Variants in INVS observed in about 807,000 individuals in gnomAD.
INVS encodes the protein inversin.
INVS carries 86 observed loss-of-function variants against 108.8 expected under a neutral mutation model. That is an observed-to-expected ratio of 0.79 (90% CI 0.66 to 0.95). The LOEUF (loss-of-function observed/expected upper bound fraction) is 0.95, where lower values mean the gene tolerates loss of function less well. INVS is among the 40% of genes least tolerant of loss of function. The pLI is 0.00. For missense variants in INVS, 1,169 were observed against 1,297.4 expected (o/e 0.90, Z 1.52); for synonymous variants, 455 against 473.5 (o/e 0.96, Z 0.51).
intron 3 of INVS, among the ~76,000 whole-genome samples, chr9:100,147,508 G>A (rs1307868942): frequency 1.3e-5 from 2 of 152,176 alleles, no homozygotes; most frequent in Non-Finnish European, 2.9e-5. Context: ...TGAGGCTGTG[G>A]ATAAATAAGT....
In INVS at chr9:100,100,722, G is replaced by GTACATATAATATATATATTATATA. The variant is rs1826848523; in HGVS notation, c.-25+1329_-25+1330insATACATATAATATATATATTATAT. On this transcript the variant is annotated intron_variant, in intron 1 of 16. Coordinates refer to ENST00000262457, the MANE Select transcript of INVS (RefSeq NM_014425.5). Reference sequence around the variant, plus strand: ...TGTACATATAATATATATATTATATGTACATATAATATATATATTATATGT... The same window carrying GTACATATAATATATATATTATATA: ...TGTACATATAATATATATATTATATGTACATATAATATATATATTATATATACATATAATATATATATTATATGT... 2.5e-4 allele frequency among the ~76,000 whole-genome samples: 4 copies of GTACATATAATATATATATTATATA among 15,942 alleles called. 1 individual carries two copies. Among genetic ancestry groups the GTACATATAATATATATATTATATA allele is most frequent in the Admixed American group, 2.4e-3 (2 of 822 alleles). 10.5% of individuals were successfully genotyped at this position (15,942 alleles called of 152,430 possible). A position where few individuals can be genotyped will look rare whatever the true frequency, so the allele number is the denominator to read the frequency against.
At chr9:100,162,759 G>C (rs1352149081) in intron 3 of INVS, among the ~76,000 whole-genome samples, 1 of 151,810 alleles carries the variant, frequency 6.6e-6, no homozygotes, top group Non-Finnish European at 1.5e-5. Context: ...CCTGGGAGGC[G>C]GAGGTTGCAG....
chr9:100,280,424 A>G (rs1278999490), intron 12 of INVS, among the ~76,000 whole-genome samples: 1 of 152,204 alleles, frequency 6.6e-6, no homozygotes, highest in East Asian at 1.9e-4. Context: ...TAAAAGAGAC[A>G]GTACAAACCA....
chr9:100,127,308 T>C (rs1234017337), intron 3 of INVS, among the ~76,000 whole-genome samples: 1 of 152,176 alleles, frequency 6.6e-6, no homozygotes, highest in Non-Finnish European at 1.5e-5. Flanking sequence ...TTTTCAACTT[T>C]TTAAAATCTA....
intron 2 of INVS, 93 bp from the exon 3 acceptor site, chr9:100,126,290 G>A: frequency 1.0e-6 from 1 of 990,736 alleles, no homozygotes; most frequent in East Asian, 2.6e-5. Flanking sequence ...TAAGCATTTA[G>A]CACAATGTTT....
At chr9:100,251,053 A>C (rs1832217681) in intron 8 of INVS, among the ~76,000 whole-genome samples, 1 of 152,192 alleles carries the variant, frequency 6.6e-6, no homozygotes, top group South Asian at 2.1e-4. Flanking sequence ...CATAACCACC[A>C]ATCAAAAGTA....
chr9:100,253,548 A>C (rs1832312750), intron 10 of INVS, among the ~76,000 whole-genome samples: 1 of 152,048 alleles, frequency 6.6e-6, no homozygotes, highest in Non-Finnish European at 1.5e-5. Context: ...ATATCTCCTA[A>C]TGCTATCCCT....
intron 3 of INVS, among the ~76,000 whole-genome samples, chr9:100,140,365 C>T (rs74885953): frequency 3.3e-5 from 5 of 151,754 alleles, no homozygotes; most frequent in African/African-American, 9.7e-5. Flanking sequence ...TGTTCTCTGG[C>T]GGGCAGGAGT....
chr9:100,265,770 C>T (rs1007097323), intron 11 of INVS, among the ~76,000 whole-genome samples: 1 of 152,008 alleles, frequency 6.6e-6, no homozygotes, highest in Non-Finnish European at 1.5e-5. Context: ...ACCAAGAATC[C>T]AGGCCCAATA....
chr9:100,262,627 A>T (rs1832660890), intron 10 of INVS, among the ~76,000 whole-genome samples: 2 of 118,202 alleles, frequency 1.7e-5, no homozygotes, highest in Admixed American at 9.4e-5. Flanking sequence ...TTTATTCCTT[A>T]CCTGGAGCAC....
intron 11 of INVS, among the ~76,000 whole-genome samples, chr9:100,268,350 G>A (rs1832854790): frequency 6.6e-6 from 1 of 152,294 alleles, no homozygotes; most frequent in South Asian, 2.1e-4. Flanking sequence ...AATTAGGAAT[G>A]CCTTTGTTCT....
chr9:100,160,739 A>G (rs1432005993), intron 3 of INVS, among the ~76,000 whole-genome samples: 1 of 152,128 alleles, frequency 6.6e-6, no homozygotes, highest in Non-Finnish European at 1.5e-5. Flanking sequence ...TGGGCTCAAA[A>G]TATTACCCTA....
chr9:100,178,450 T>C (rs889046909), intron 3 of INVS, among the ~76,000 whole-genome samples: 1 of 152,102 alleles, frequency 6.6e-6, no homozygotes, highest in African/African-American at 2.4e-5. Flanking sequence ...ATAAATAACC[T>C]GATGGAGCTA....
intron 8 of INVS, among the ~76,000 whole-genome samples, chr9:100,250,909 A>G (rs1832211249): frequency 6.6e-6 from 1 of 152,092 alleles, no homozygotes; most frequent in African/African-American, 2.4e-5. Flanking sequence ...GACTTACTCC[A>G]CTGTCACTTA....
chr9:100,288,896 G>C (rs189757392), intron 13 of INVS, among the ~76,000 whole-genome samples: 3 of 152,150 alleles, frequency 2.0e-5, no homozygotes, highest in Non-Finnish European at 4.4e-5. Flanking sequence ...AAAGGGCTGG[G>C]ATTTTATAAG....
In INVS at chr9:100,117,664, C is replaced by A. The variant is rs1004316910; in HGVS notation, c.107-8719C>A. ...CGTTATCAGCCATTTGGTGTTTTCTCGGAGAAGAAGCAGTTATAGGTTTTA... is the reference window on the plus strand; with the variant it reads ...CGTTATCAGCCATTTGGTGTTTTCTAGGAGAAGAAGCAGTTATAGGTTTTA... On this transcript the variant is annotated intron_variant, in intron 2 of 16. Transcript: ENST00000262457. 2.4e-5 allele frequency: 14 copies of A among 584,298 alleles called. No individual in the cohort carries two copies. In the African/African-American group the frequency reaches 2.5e-4, roughly 11 times the overall value. 36.2% of individuals were successfully genotyped at this position (584,298 alleles called of 1,614,324 possible). A position where few individuals can be genotyped will look rare whatever the true frequency, so the allele number is the denominator to read the frequency against.
At chr9:100,288,203 T>A (rs1833503749) in intron 13 of INVS, among the ~76,000 whole-genome samples, 1 of 152,166 alleles carries the variant, frequency 6.6e-6, no homozygotes, top group Admixed American at 6.5e-5. Flanking sequence ...GTTCTCCATG[T>A]CTCTTGGCTC....
intron 3 of INVS, among the ~76,000 whole-genome samples, chr9:100,216,216 T>C (rs1252019296): frequency 1.3e-5 from 2 of 152,202 alleles, no homozygotes; most frequent in Non-Finnish European, 2.9e-5. Context: ...ACCAGGTGAC[T>C]ACAGTACTGT....
chr9:100,292,747 AC>A lies in INVS; in HGVS notation c.2492del (p.Pro831GlnfsTer5). On this transcript the variant is annotated frameshift_variant, in exon 14 of 17. Coordinates refer to ENST00000262457, the MANE Select transcript of INVS (RefSeq NM_014425.5). LOFTEE classifies it high-confidence loss of function. Reference protein sequence around the residue: ...AGQNPPHHRTPRNKVTQAKLT... With the variant: ...AGQNPPHHRTXRNKVTQAKLT... ...GGCAGAATCCTCCCCACCATCGTAC[AC>A]CAAGAAACAAAGTGACACAAGCCAA... 6.2e-7 allele frequency: 1 copy of A among 1,614,140 alleles called. No homozygotes were observed. The highest frequency in any genetic ancestry group is 8.5e-7 in the Non-Finnish European group (1 of 1,180,022).
Sources: allele counts gnomAD v4.1 joint callset (sites outside exome capture counted in the v4.1 genomes callset), GRCh38; gene constraint gnomAD v4.1.1; transcripts MANE v1.5; gene names NCBI Gene and HGNC (gene_info 2026-07-23, HGNC 2026-07-21).